Variants in SLC25A25 observed in about 807,000 individuals in gnomAD.
The protein encoded by SLC25A25 is mitochondrial adenyl nucleotide antiporter SLC25A25.
Under a neutral mutation model 57.7 loss-of-function variants are expected in SLC25A25, and 32 were observed. That is an observed-to-expected ratio of 0.55 (90% CI 0.42 to 0.74). SLC25A25 has a LOEUF of 0.74. SLC25A25 is among the 30% of genes least tolerant of loss of function. The probability of loss-of-function intolerance (pLI) is 0.00; values close to 1 mark genes in which losing one functional copy is unlikely to be tolerated. For missense variants in SLC25A25, 556 were observed against 701.3 expected (o/e 0.79, Z 2.34); for synonymous variants, 306 against 291.2 (o/e 1.05, Z -0.52).
Position 128,102,027 on chromosome 9 carries a change from A to C in SLC25A25, c.477-53A>C. 6.5e-7 allele frequency: 1 copy of C among 1,548,404 alleles called. No homozygotes were observed. Among genetic ancestry groups the C allele is most frequent in the Non-Finnish European group, 8.7e-7 (1 of 1,145,104 alleles). Reference sequence around the variant, plus strand: ...TTGCTTCACTAACATGGCTCCGAGCACTTATGCGTGTTGTTTCTGCTCTCT... The same window carrying C: ...TTGCTTCACTAACATGGCTCCGAGCCCTTATGCGTGTTGTTTCTGCTCTCT... On this transcript the variant is annotated intron_variant, in intron 3 of 10. Transcript: ENST00000373069. This position sits in a 1 kb window ranked among gnomAD's most constrained non-coding sequence, Gnocchi z 4.1.
In SLC25A25 at chr9:128,099,488, C is replaced by T; in HGVS notation, c.262-1608C>T. 2 of 919,916 alleles carry T rather than the reference C, an allele frequency of 2.2e-6. No homozygotes were observed. The highest frequency in any genetic ancestry group is 3.8e-5 in the South Asian group (2 of 52,570). 57.0% of individuals were successfully genotyped at this position (919,916 alleles called of 1,614,324 possible). A position where few individuals can be genotyped will look rare whatever the true frequency, so the allele number is the denominator to read the frequency against. On this transcript the variant is annotated intron_variant, in intron 1 of 10. Coordinates refer to ENST00000373069, the MANE Select transcript of SLC25A25 (RefSeq NM_001330988.2). This position sits in a 1 kb window ranked among gnomAD's most constrained non-coding sequence, Gnocchi z 6.8. Reference sequence around the variant, plus strand: ...GGCTGGGTCCCAGAGGGCTCCATGCCTGATGTTCGCCTCCTGCCTAAATGG... The same window carrying T: ...GGCTGGGTCCCAGAGGGCTCCATGCTTGATGTTCGCCTCCTGCCTAAATGG...
chr9:128,074,062 C>T (rs775175260), intron 1 of SLC25A25, among the ~76,000 whole-genome samples: 11 of 149,820 alleles, frequency 7.3e-5, no homozygotes, highest in Non-Finnish European at 1.6e-4. Context: ...GTGTGTGTGA[C>T]GGATTCTCAC....
intron 1 of SLC25A25, chr9:128,098,768 G>T: frequency 6.2e-7 from 1 of 1,600,264 alleles, no homozygotes; most frequent in Admixed American, 1.7e-5. Flanking sequence ...GCATTCAACC[G>T]GTATTTGTTG....
At chr9:128,090,684 G>T (rs1315165725) in intron 1 of SLC25A25, among the ~76,000 whole-genome samples, 2 of 152,066 alleles carry the variant, frequency 1.3e-5, no homozygotes, top group Non-Finnish European at 2.9e-5. Context: ...GGTGGCAGGT[G>T]CCTGTAATCC....
chr9:128,093,395 G>A (rs536105896), intron 1 of SLC25A25, among the ~76,000 whole-genome samples: 11 of 152,332 alleles, frequency 7.2e-5, no homozygotes, highest in African/African-American at 2.6e-4. Flanking sequence ...CGAATGGCCG[G>A]CTCCTTTTAA....
At chr9:128,084,760 C>A (rs1227838990) in intron 1 of SLC25A25, among the ~76,000 whole-genome samples, 1 of 152,178 alleles carries the variant, frequency 6.6e-6, no homozygotes, top group Non-Finnish European at 1.5e-5. Context: ...TCACAATAAA[C>A]CTCTTTAAAT....
intron 6 of SLC25A25, among the ~76,000 whole-genome samples, chr9:128,105,427 T>G (rs1238704703): frequency 6.6e-6 from 1 of 152,046 alleles, no homozygotes; most frequent in Non-Finnish European, 1.5e-5. Flanking sequence ...TGCCTCAGCC[T>G]CCCAAAGTGC....
chr9:128,091,379 T>G, intron 1 of SLC25A25: 1 of 951,342 alleles, frequency 1.1e-6, no homozygotes, highest in Non-Finnish European at 1.3e-6. Context: ...ATAATGAACT[T>G]GGTAGTGTCG....
chr9:128,093,885 C>T (rs1157663264), intron 1 of SLC25A25, among the ~76,000 whole-genome samples: 1 of 152,246 alleles, frequency 6.6e-6, no homozygotes, highest in Non-Finnish European at 1.5e-5. Context: ...CGCAGTGGCT[C>T]ATGCCTGTAA....
chr9:128,070,781 G>A (rs1022607919), intron 1 of SLC25A25, among the ~76,000 whole-genome samples: 2 of 151,246 alleles, frequency 1.3e-5, no homozygotes, highest in East Asian at 2.0e-4. Flanking sequence ...GAGAAAACCC[G>A]TCTCTACTAA....
At chr9:128,088,706 C>G (rs1297987209) in intron 1 of SLC25A25, among the ~76,000 whole-genome samples, 1 of 152,170 alleles carries the variant, frequency 6.6e-6, no homozygotes, top group Non-Finnish European at 1.5e-5. Context: ...TAGTTATAGG[C>G]AGGAAGGTGA....
At position 128,105,814 on chromosome 9, in the gene SLC25A25, G is replaced by A. The variant is rs201242773; in HGVS notation, c.869G>A (p.Arg290Gln). The A allele has an allele frequency of 4.5e-5, 73 of 1,614,126 alleles. No homozygotes were observed. The Admixed American group carries it at 8.7e-4, about 19-fold the overall frequency. The change falls in exon 7 of 11, where the codon CGG (arginine) becomes CAG (glutamine). Residue 290 changes from arginine (R) to glutamine (Q), a missense_variant. By Grantham distance (43) the Arg-to-Gln change is conservative. Transcript: ENST00000373069. ...GAAGGAGGGGCCAGGTCACTCTGGC[G>A]GGGCAATGGCATCAACGTCCTCAAA... The part of the protein sequence containing the change: ...IREGGARSLW[R>Q]GNGINVLKIA...
At chr9:128,092,433 G>A (rs758110535) in intron 1 of SLC25A25, among the ~76,000 whole-genome samples, 6 of 152,184 alleles carry the variant, frequency 3.9e-5, no homozygotes, top group Non-Finnish European at 5.9e-5. Flanking sequence ...CTCAGGAAGG[G>A]CGAAGCTAAA....
chr9:128,092,805 TA>T lies in SLC25A25; in HGVS notation c.262-8288del, dbSNP rs538614995. Among the ~76,000 whole-genome samples the T allele has an allele frequency of 2.0e-5, 3 of 152,320 alleles. No homozygotes were observed. The East Asian group carries it at 5.8e-4, about 29-fold the overall frequency. On this transcript the variant is annotated intron_variant, in intron 1 of 10. Transcript: ENST00000373069. Reference sequence around the variant, plus strand: ...AATGGTTACATTATTTGCCCAGGGTTAAACAACTAAAGAGAGGTGGAGCTGA... The same window carrying T: ...AATGGTTACATTATTTGCCCAGGGTTAACAACTAAAGAGAGGTGGAGCTGA...
intron 1 of SLC25A25, among the ~76,000 whole-genome samples, chr9:128,076,456 ATTTTTATTTTTAT>A (rs1564177961): frequency 2.3e-5 from 3 of 129,448 alleles, no homozygotes; most frequent in African/African-American, 1.1e-4. Flanking sequence ...TTTTATTTTT[ATTTTTATTTTTAT>A]TTTTATTTTT....
chr9:128,078,839 A>G (rs1833076276), intron 1 of SLC25A25, among the ~76,000 whole-genome samples: 1 of 152,210 alleles, frequency 6.6e-6, no homozygotes, highest in Admixed American at 6.5e-5. Context: ...ATTTAGCTCA[A>G]TGCAGTGCCG....
intron 1 of SLC25A25, among the ~76,000 whole-genome samples, chr9:128,086,008 A>G (rs1055580153): frequency 5.3e-5 from 8 of 151,710 alleles, no homozygotes; most frequent in African/African-American, 1.9e-4. Context: ...TTTTTTTCCA[A>G]TTTAATTCCA....
intron 1 of SLC25A25, among the ~76,000 whole-genome samples, chr9:128,070,084 ATTTT>A (rs71381724): frequency 3.1e-4 from 2 of 6,360 alleles, no homozygotes; most frequent in South Asian, 8.9e-3. Flanking sequence ...CACCCAGCTA[ATTTT>A]TTTTTTTTTT....
chr9:128,091,515 G>A, intron 1 of SLC25A25: 1 of 991,760 alleles, frequency 1.0e-6, no homozygotes, highest in African/African-American at 1.7e-5. Context: ...GCCTCCGGGA[G>A]TGGTCTGCTT....
Sources: gnomAD v4.1 joint callset for allele counts (sites outside exome capture counted in the v4.1 genomes callset) on GRCh38, gnomAD v4.1.1 for gene constraint, Gnocchi (gnomAD v3.1) non-coding constraint, MANE v1.5 for transcripts, NCBI Gene and HGNC (gene_info 2026-07-23, HGNC 2026-07-21) for gene names.